NEMF: variants seen among roughly 807,000 people sequenced by gnomAD.
NEMF encodes ribosome quality control complex subunit NEMF.
In NEMF, 89 loss-of-function variants were observed where a neutral mutation model predicts 162.2. The ratio of observed to expected loss-of-function variants is 0.55; its 90% CI spans 0.46 to 0.65. The LOEUF (loss-of-function observed/expected upper bound fraction) is 0.65. NEMF is among the 30% of genes least tolerant of loss of function. The pLI, the probability that NEMF is intolerant of heterozygous loss-of-function variation, is 0.00. For synonymous variants in NEMF, 421 were observed against 404.5 expected (o/e 1.04, Z -0.49); for missense variants, 1,133 against 1,261.9 (o/e 0.90, Z 1.55).
At position 49,782,666 on chromosome 14, in the gene NEMF, C is replaced by A; in HGVS notation, c.*1970G>T. 2 of 1,395,050 alleles carry A rather than the reference C, an allele frequency of 1.4e-6. No homozygotes were observed. The highest frequency in any genetic ancestry group is 2.2e-5 in the Admixed American group (1 of 45,400). The allele number at this position is 1,395,050 out of a possible 1,614,324, so 86.4% of individuals were successfully genotyped here. On this transcript the variant is annotated 3_prime_UTR_variant, in exon 33 of 33. Transcript: ENST00000298310. ...CCTAAGACTTAGCACTCTCGAAAAA[C>A]TAGGTTTATGGATTATTTAAGGGCA...
At chr14:49,834,881 T>A (rs1180726896) in intron 6 of NEMF, among the ~76,000 whole-genome samples, 1 of 152,250 alleles carries the variant, frequency 6.6e-6, no homozygotes, top group Non-Finnish European at 1.5e-5. Context: ...TTACTTATTT[T>A]GAAGTGTTAC....
chr14:49,847,562 G>A (rs578062520), intron 3 of NEMF, among the ~76,000 whole-genome samples: 23 of 151,832 alleles, frequency 1.5e-4, no homozygotes. Context: ...TTTCCCTTTT[G>A]TATGCTTCAT....
At chr14:49,816,310 C>T (rs1341757769) in intron 16 of NEMF, among the ~76,000 whole-genome samples, 1 of 152,142 alleles carries the variant, frequency 6.6e-6, no homozygotes, top group African/African-American at 2.4e-5. Context: ...TGTCCTTTGC[C>T]TTGTGATCTT....
At chr14:49,831,062 T>C (rs1284941634) in intron 11 of NEMF, among the ~76,000 whole-genome samples, 2 of 152,212 alleles carry the variant, frequency 1.3e-5, no homozygotes, top group African/African-American at 4.8e-5. Context: ...TCCCACCGTA[T>C]TTTCCTTTTT....
chr14:49,819,322 T>C (rs564273098), intron 16 of NEMF, among the ~76,000 whole-genome samples: 6 of 152,198 alleles, frequency 3.9e-5, no homozygotes, highest in African/African-American at 1.4e-4. Flanking sequence ...CGTGAGATGA[T>C]GCATATGTTA....
At position 49,828,669 on chromosome 14, in the gene NEMF, C is replaced by T. The variant is rs768489268; in HGVS notation, c.1371G>A (p.Lys457=). Residue 457 remains lysine (K), a synonymous_variant, in exon 14 of 33, where the codon AAG becomes AAA. Transcript: ENST00000298310. ...TGAGATCAACATCTACAAGTAAGGG[C>T]TTATTTTTCTGAGGCTTCTGCAGCT... is the stretch of plus-strand genomic sequence containing the variant. The part of the protein sequence containing the change: ...NKQLQKPQKN[K]PLLVDVDLSL... The T allele has an allele frequency of 6.3e-7, 1 of 1,597,982 alleles. No individual in the cohort carries two copies. The highest frequency in any genetic ancestry group is 1.1e-5 in the South Asian group (1 of 86,962).
At chr14:49,838,065 T>A (rs952296833) in intron 6 of NEMF, 74 bp downstream of exon 6, 1 of 1,184,536 alleles carries the variant, frequency 8.4e-7, no homozygotes. Context: ...AATAAAACCA[T>A]AAAAGATTTC....
rs1026009058 is a variant in NEMF, at chr14:49,782,203, A to G, written c.*2433T>C. ...TAATATCCAGATAAAATAGATATTG[A>G]TTGATCTGCTTTTGCTACTTTCCCT... On this transcript the variant is annotated 3_prime_UTR_variant, in exon 33 of 33. Coordinates refer to ENST00000298310, the MANE Select transcript of NEMF (RefSeq NM_004713.6). The G allele has an allele frequency of 6.4e-5, 35 of 548,144 alleles. No homozygotes were observed. In the East Asian group the frequency reaches 1.0e-3, roughly 16 times the overall value. 34.0% of individuals were successfully genotyped at this position (548,144 alleles called of 1,614,324 possible). A position where few individuals can be genotyped will look rare whatever the true frequency, so the allele number is the denominator to read the frequency against.
At chr14:49,831,742 C>A (rs1566694369) in intron 10 of NEMF, among the ~76,000 whole-genome samples, 1 of 152,170 alleles carries the variant, frequency 6.6e-6, no homozygotes, top group African/African-American at 2.4e-5. Context: ...CAGCTGCATA[C>A]ACAGAATTTT....
intron 18 of NEMF, among the ~76,000 whole-genome samples, chr14:49,810,058 G>T (rs1435431304): frequency 6.6e-6 from 1 of 151,368 alleles, no homozygotes; most frequent in African/African-American, 2.4e-5. Context: ...CCTAAAACTG[G>T]TCGAAAAAAA....
In NEMF at chr14:49,806,114, C is replaced by T. The variant is rs1891174756; in HGVS notation, c.1764G>A (p.Arg588=). 6.2e-7 allele frequency: 1 copy of T among 1,611,362 alleles called. No individual in the cohort carries two copies. The highest frequency in any genetic ancestry group is 1.3e-5 in the African/African-American group (1 of 74,220). Residue 588 remains arginine (R), a synonymous_variant, in exon 19 of 33, where the codon CGG becomes CGA. Coordinates refer to ENST00000298310, the MANE Select transcript of NEMF (RefSeq NM_004713.6). ...CCATTGTGCCAGCTTCAGTCAAGGT[C>T]CGTGGGGGGATGGGTTCTCCTAGAA... ...KNPTGEPIPP[R]TLTEAGTMAL... is the part of the protein sequence containing the mutation.
At position 49,792,143 on chromosome 14, in the gene NEMF, A is replaced by T. The variant is rs1890482646; in HGVS notation, c.2620-2570T>A. ...GGGCAACAAAGTAAGACCCAGTCTA[A>T]AAAAAAAAAAAGTCTCCTCACAAAA... On this transcript the variant is annotated intron_variant, in intron 26 of 32. Transcript: ENST00000298310. Among the ~76,000 whole-genome samples the T allele has an allele frequency of 2.1e-5, 3 of 146,318 alleles. No homozygotes were observed. The South Asian group carries it at 6.4e-4, about 31-fold the overall frequency.
intron 26 of NEMF, 140 bp from the exon 27 acceptor site, chr14:49,789,713 A>G: frequency 8.1e-7 from 1 of 1,231,462 alleles, no homozygotes; most frequent in South Asian, 1.6e-5. Flanking sequence ...AACAATATGA[A>G]GGCTACAAAG....
At chr14:49,846,023 G>A in intron 4 of NEMF, 117 bp downstream of exon 4, 1 of 759,326 alleles carries the variant, frequency 1.3e-6, no homozygotes, top group South Asian at 2.1e-5. Context: ...CCATTTCCTA[G>A]GGTAGTAACA....
intron 3 of NEMF, among the ~76,000 whole-genome samples, chr14:49,848,027 G>A (rs190385901): frequency 7.2e-5 from 10 of 138,380 alleles, no homozygotes; most frequent in Admixed American, 4.5e-4. Flanking sequence ...GCAAGACTCT[G>A]TCTCAAAAAA....
intron 18 of NEMF, among the ~76,000 whole-genome samples, chr14:49,807,971 G>C (rs1891300204): frequency 1.3e-5 from 2 of 152,014 alleles, no homozygotes; most frequent in South Asian, 4.1e-4. Flanking sequence ...TCATGTGATT[G>C]TTGGCCATTC....
intron 26 of NEMF, among the ~76,000 whole-genome samples, chr14:49,793,962 C>T (rs376695762): frequency 2.6e-5 from 4 of 151,346 alleles, no homozygotes; most frequent in African/African-American, 9.7e-5. Context: ...TGGTTCTTTA[C>T]TTTCTCCACC....
At position 49,782,533 on chromosome 14, in the gene NEMF, A is replaced by T. The variant is rs777951766; in HGVS notation, c.*2103T>A. The stretch of plus-strand genomic sequence containing the variant: ...GCTTTTAAATGTGTTCTTCCTATTT[A>T]TTTTTCAGGCACACAGTAATGAAAT... On this transcript the variant is annotated 3_prime_UTR_variant, in exon 33 of 33. Transcript: ENST00000298310. The T allele has an allele frequency of 2.6e-5, 42 of 1,605,538 alleles. No homozygotes were observed. The highest frequency in any genetic ancestry group is 3.3e-5 in the Non-Finnish European group (39 of 1,174,504).
chr14:49,791,592 C>T (rs891963664), intron 26 of NEMF, among the ~76,000 whole-genome samples: 18 of 151,864 alleles, frequency 1.2e-4, no homozygotes, highest in Non-Finnish European at 1.6e-4. Flanking sequence ...CAAAAAGTAG[C>T]TGGGCATAGT....
Sources: allele counts gnomAD v4.1 joint callset (sites outside exome capture counted in the v4.1 genomes callset), GRCh38; gene constraint gnomAD v4.1.1; transcripts MANE v1.5; gene names NCBI Gene and HGNC (gene_info 2026-07-23, HGNC 2026-07-21).